The following MME variants were observed in gnomAD, a reference collection of about 807,000 sequenced individuals.
The protein encoded by MME is membrane metalloendopeptidase, also known as neprilysin.
Under a neutral mutation model 113.2 loss-of-function variants are expected in MME, and 98 were observed. The ratio of observed to expected loss-of-function variants is 0.87; its 90% CI spans 0.74 to 1.02. MME has a LOEUF of 1.02. Among genes scored for constraint, MME ranks in the 50% least tolerant of loss-of-function variants. MME has a pLI of 0.00. For missense variants in MME, 836 were observed against 896.0 expected (o/e 0.93, Z 0.86); for synonymous variants, 292 against 300.6 (o/e 0.97, Z 0.30).
chr3:155,040,926 A>G (rs963342493), intron 1 of MME, among the ~76,000 whole-genome samples: 9 of 152,190 alleles, frequency 5.9e-5, no homozygotes, highest in Non-Finnish European at 1.0e-4. Flanking sequence ...TGTGGCTCAA[A>G]CCATTAGAGA....
intron 8 of MME, among the ~76,000 whole-genome samples, chr3:155,135,729 A>G (rs1273536422): frequency 6.6e-6 from 1 of 152,092 alleles, no homozygotes; most frequent in Non-Finnish European, 1.5e-5. Flanking sequence ...TTTGGGCAGT[A>G]TGGCCATTTG....
chr3:155,155,619 C>A (rs958866996), intron 16 of MME, among the ~76,000 whole-genome samples: 2 of 152,116 alleles, frequency 1.3e-5, no homozygotes, highest in Non-Finnish European at 1.5e-5. Context: ...CATGGAATTA[C>A]CTTCTAATGA....
chr3:155,061,751 T>C (rs1433867574), intron 1 of MME, among the ~76,000 whole-genome samples: 1 of 150,238 alleles, frequency 6.7e-6, no homozygotes, highest in African/African-American at 2.4e-5. Context: ...AAACTCTGCC[T>C]CATGGATTCA....
chr3:155,152,579 G>A (rs369709417), intron 16 of MME, among the ~76,000 whole-genome samples: 3 of 151,950 alleles, frequency 2.0e-5, no homozygotes, highest in South Asian at 4.2e-4. Context: ...AGTGGCTCAC[G>A]CCTATAATCC....
chr3:155,078,665 G>C (rs1714862054), upstream of MME, among the ~76,000 whole-genome samples: 1 of 150,472 alleles, frequency 6.6e-6, no homozygotes, highest in Admixed American at 6.6e-5. Flanking sequence ...GTGTATGTGT[G>C]TGTGTGTGTG....
At chr3:155,114,962 C>G in intron 3 of MME, 32 bp from the exon 4 acceptor site, 1 of 1,610,670 alleles carries the variant, frequency 6.2e-7, no homozygotes, top group Non-Finnish European at 8.5e-7. Context: ...ATAAACCCAT[C>G]ATTTTATCTA....
chr3:155,143,359 T>C (rs1420825858), intron 12 of MME, 84 bp from the exon 13 acceptor site: 1 of 1,485,562 alleles, frequency 6.7e-7, no homozygotes, highest in South Asian at 1.1e-5. Context: ...AGAACTTAGA[T>C]GAGACATTTG....
Position 155,137,167 on chromosome 3 carries a change from GA to G in MME, c.721-931del, listed in dbSNP as rs560614306. Among the ~76,000 whole-genome samples, 330 of 152,220 alleles carry G rather than the reference GA, an allele frequency of 2.2e-3. 2 individuals are homozygous for G. Among genetic ancestry groups the G allele is most frequent in the African/African-American group, 7.7e-3 (319 of 41,544 alleles). On this transcript the variant is annotated intron_variant, in intron 8 of 22. Coordinates refer to ENST00000360490, the MANE Select transcript of MME (RefSeq NM_007289.4). ...ATATAAATAATTTGAGTTATCAGAAGAAAACTAATATCTAAATCTATGGTAT... is the reference window on the plus strand; with the variant it reads ...ATATAAATAATTTGAGTTATCAGAAGAAACTAATATCTAAATCTATGGTAT...
chr3:155,167,057 A>G lies in MME; in HGVS notation c.1780+36A>G, dbSNP rs200867665. 6.1e-5 allele frequency: 99 copies of G among 1,611,592 alleles called. 1 individual carries two copies. The highest frequency in any genetic ancestry group is 8.0e-5 in the Non-Finnish European group (94 of 1,178,106). On this transcript the variant is annotated intron_variant, in intron 18 of 22. Transcript: ENST00000360490. ...GTTGACATTTTCCTTTGGCTGAGGT[A>G]TATGCTCATAAATTTGATTAAGAGT...
At chr3:155,101,610 CT>C (rs1177588211) in intron 3 of MME, among the ~76,000 whole-genome samples, 1 of 152,138 alleles carries the variant, frequency 6.6e-6, no homozygotes, top group Non-Finnish European at 1.5e-5. Flanking sequence ...TTTCTGTCTT[CT>C]GGGACTGAAA....
rs770360603 is a variant in MME at position 155,116,543 on chromosome 3, G to T, written c.423G>T (p.Arg141Ser). 1.9e-6 allele frequency: 3 copies of T among 1,610,230 alleles called. No individual in the cohort carries two copies. In the South Asian group the frequency reaches 3.3e-5, roughly 18 times the overall value. Residue 141 changes from arginine (R) to serine (S), a missense_variant, in exon 5 of 23, where the codon AGG becomes AGT. Arg to Ser is a moderately radical substitution (Grantham distance 110). Transcript: ENST00000360490. ...VAVQKAKALY[R>S]SCINESAIDS... ...TGCAGAAAGCAAAAGCATTGTACAG[G>T]TCTTGTATAAATGAATGTAAGTGCT... is the stretch of plus-strand genomic sequence containing the variant.
At chr3:155,052,406 T>C (rs1006299069) in intron 1 of MME, among the ~76,000 whole-genome samples, 1 of 152,224 alleles carries the variant, frequency 6.6e-6, no homozygotes, top group Admixed American at 6.5e-5. Flanking sequence ...TGCCTGGATA[T>C]CCTGGCATTT....
chr3:155,174,325 CGTGTGTGTGTGTGTGTGTGTGTGT>C (rs3839085), intron 22 of MME, among the ~76,000 whole-genome samples: 3,002 of 110,334 alleles, frequency 0.027, 77 homozygotes, highest in East Asian at 0.15. Flanking sequence ...ACAACAGAAG[CGTGTGTGTGTGTGTGTGTGTGTGT>C]GTGTGTGTGT....
chr3:155,082,419 T>A (rs181982246), intron 1 of MME, among the ~76,000 whole-genome samples: 4 of 152,182 alleles, frequency 2.6e-5, no homozygotes, highest in African/African-American at 9.6e-5. Flanking sequence ...GGGAGAATTA[T>A]TATTGTTTAC....
At position 155,166,945 on chromosome 3, in the gene MME, G is replaced by C. The variant is rs200020236; in HGVS notation, c.1704G>C (p.Gln568His). 5 of 1,613,530 alleles carry C rather than the reference G, an allele frequency of 3.1e-6. No homozygotes were observed. Among genetic ancestry groups the C allele is most frequent in the Non-Finnish European group, 4.2e-6 (5 of 1,179,716 alleles). ...GILQPPFFSA[Q>H]QSNSLNYGGI... Reference sequence around the variant, plus strand: ...TGCAGCCCCCCTTCTTTAGTGCCCAGCAGTCCAACTCATTGAACTATGGGG... The same window carrying C: ...TGCAGCCCCCCTTCTTTAGTGCCCACCAGTCCAACTCATTGAACTATGGGG... Residue 568 changes from glutamine to histidine, a missense_variant, in exon 18 of 23, where the codon CAG (glutamine) becomes CAC (histidine). Gln to His is a conservative substitution (Grantham distance 24). Coordinates refer to ENST00000360490, the MANE Select transcript of MME (RefSeq NM_007289.4).
chr3:155,053,421 C>T lies in MME; in HGVS notation c.-11+29097C>T, dbSNP rs1450211189. Among the ~76,000 whole-genome samples the T allele has an allele frequency of 2.0e-5, 3 of 152,186 alleles. No homozygotes were observed. The East Asian group carries it at 5.8e-4, about 29-fold the overall frequency. ...CAGAAGATGAAACAGGCACGTCTTCCATGGTGGCAGGTGAGATAAGTTAGT... is the reference window on the plus strand; with the variant it reads ...CAGAAGATGAAACAGGCACGTCTTCTATGGTGGCAGGTGAGATAAGTTAGT... On this transcript the variant is annotated intron_variant, in intron 1 of 22. Transcript: ENST00000492661.
At chr3:155,154,351 G>A (rs900420615) in intron 16 of MME, among the ~76,000 whole-genome samples, 1 of 152,178 alleles carries the variant, frequency 6.6e-6, no homozygotes, top group Non-Finnish European at 1.5e-5. Context: ...CCTGGGAAGT[G>A]ACACTGTAGT....
intron 1 of MME, among the ~76,000 whole-genome samples, chr3:155,072,653 A>G (rs1175743515): frequency 6.6e-6 from 1 of 152,162 alleles, no homozygotes; most frequent in East Asian, 1.9e-4. Flanking sequence ...AATGTATTAC[A>G]GTTATCTATC....
At chr3:155,087,832 G>A (rs1715897406) in intron 3 of MME, among the ~76,000 whole-genome samples, 1 of 152,168 alleles carries the variant, frequency 6.6e-6, no homozygotes, top group Admixed American at 6.5e-5. Flanking sequence ...CTCCCAAGGA[G>A]CAATGTGACA....
Sources: gnomAD v4.1 joint callset for allele counts (sites outside exome capture counted in the v4.1 genomes callset) on GRCh38, gnomAD v4.1.1 for gene constraint, MANE v1.5 for transcripts, NCBI Gene and HGNC (gene_info 2026-07-23, HGNC 2026-07-21) for gene names.